Variants in TTC6 observed in about 807,000 individuals in gnomAD.
TTC6 encodes tetratricopeptide repeat protein 6.
TTC6 carries 172 observed loss-of-function variants against 210.4 expected under a neutral mutation model. The observed-to-expected ratio is 0.82, with a 90% CI of 0.72 to 0.93. The LOEUF is 0.93. Among genes scored for constraint, TTC6 ranks in the 40% least tolerant of loss-of-function variants. The pLI is 0.00. For synonymous variants in TTC6, 804 were observed against 819.6 expected (o/e 0.98, Z 0.32); for missense variants, 2,414 against 2,318.1 (o/e 1.04, Z -0.85).
At chr14:37,833,889 T>G (rs1181815379) in intron 29 of TTC6, among the ~76,000 whole-genome samples, 2 of 152,200 alleles carry the variant, frequency 1.3e-5, no homozygotes, top group Non-Finnish European at 2.9e-5. Flanking sequence ...GGTGATGTAT[T>G]TCCTCAGTCT....
chr14:37,642,747 A>G (rs548658589), intron 1 of TTC6, among the ~76,000 whole-genome samples: 1 of 152,300 alleles, frequency 6.6e-6, no homozygotes, highest in South Asian at 2.1e-4. Flanking sequence ...AACCTAGGCT[A>G]GATGGTATAG....
At chr14:37,654,251 G>C (rs1320525499) in intron 1 of TTC6, among the ~76,000 whole-genome samples, 1 of 152,062 alleles carries the variant, frequency 6.6e-6, no homozygotes, top group Non-Finnish European at 1.5e-5. Flanking sequence ...GTGAGATCTG[G>C]TCATTTAAAA....
At chr14:37,713,020 AG>A (rs1454003565) in intron 5 of TTC6, among the ~76,000 whole-genome samples, 1 of 152,162 alleles carries the variant, frequency 6.6e-6, no homozygotes, top group Non-Finnish European at 1.5e-5. Flanking sequence ...TTCCTGACAC[AG>A]GAAGGCGGCA....
At chr14:37,640,844 A>G (rs1047120644) in intron 1 of TTC6, among the ~76,000 whole-genome samples, 1 of 152,176 alleles carries the variant, frequency 6.6e-6, no homozygotes, top group Non-Finnish European at 1.5e-5. Flanking sequence ...CACCTAGCCA[A>G]TGTAGACATT....
intron 14 of TTC6, among the ~76,000 whole-genome samples, chr14:37,766,501 A>G (rs1318949448): frequency 1.3e-5 from 2 of 152,120 alleles, no homozygotes; most frequent in East Asian, 1.9e-4. Context: ...TTAGGATAAT[A>G]TCCTCCAGTT....
intron 14 of TTC6, among the ~76,000 whole-genome samples, chr14:37,762,904 G>A (rs1243052450): frequency 2.3e-5 from 3 of 133,104 alleles, no homozygotes; most frequent in Admixed American, 8.3e-5. Context: ...TTTTTGAGAC[G>A]GAGTCTGGCT....
At chr14:37,671,643 G>A (rs1333750664) in intron 1 of TTC6, among the ~76,000 whole-genome samples, 2 of 152,116 alleles carry the variant, frequency 1.3e-5, no homozygotes, top group Non-Finnish European at 1.5e-5. Flanking sequence ...TTTTTGAGAT[G>A]TAGTGTCATT....
intron 6 of TTC6, among the ~76,000 whole-genome samples, chr14:37,723,711 T>C (rs79950772): frequency 0.057 from 8,661 of 152,268 alleles, 380 homozygotes; most frequent in Non-Finnish European, 0.089. Flanking sequence ...CCTTTGGTTT[T>C]ATGTACACAT....
At chr14:37,736,004 T>G (rs565854026) in exon 8 of TTC6, 58 of 1,515,216 alleles carry the variant, frequency 3.8e-5, no homozygotes, top group Admixed American at 3.2e-4. Flanking sequence ...GCAGAACAAA[T>G]TTTTGGGTAT....
intron 14 of TTC6, among the ~76,000 whole-genome samples, chr14:37,768,753 A>T (rs1015797927): frequency 3.3e-5 from 5 of 152,282 alleles, no homozygotes; most frequent in Admixed American, 3.3e-4. Context: ...GCAAAGAAGG[A>T]CAATTTGACT....
At chr14:37,688,689 G>T (rs1408654822) in intron 3 of TTC6, among the ~76,000 whole-genome samples, 3 of 152,296 alleles carry the variant, frequency 2.0e-5, no homozygotes, top group East Asian at 1.9e-4. Context: ...AATTCTTCCA[G>T]ATCTTGTTCA....
chr14:37,807,485 A>G, intron 23 of TTC6, 25 bp downstream of exon 25: 1 of 1,442,900 alleles, frequency 6.9e-7, no homozygotes, highest in Non-Finnish European at 9.2e-7. Context: ...TGCCTGGTTT[A>G]CCGAAATTTT....
At chr14:37,641,752 C>T (rs1390907947) in intron 1 of TTC6, among the ~76,000 whole-genome samples, 4 of 152,004 alleles carry the variant, frequency 2.6e-5, no homozygotes, top group Admixed American at 1.3e-4. Context: ...TGGAAAAAAA[C>T]TTTCATAGTC....
intron 27 of TTC6, 56 bp downstream of exon 29, chr14:37,824,013 TTG>T: frequency 6.5e-7 from 1 of 1,528,282 alleles, no homozygotes; most frequent in Admixed American, 1.7e-5. Context: ...AAGAATATAT[TTG>T]GCTCTTTCCT....
chr14:37,661,226 A>G (rs371428695), intron 1 of TTC6, among the ~76,000 whole-genome samples: 2 of 152,070 alleles, frequency 1.3e-5, no homozygotes, highest in East Asian at 1.9e-4. Flanking sequence ...TTTTGTTGCA[A>G]TTGCTTTTCA....
intron 3 of TTC6, 94 bp downstream of exon 5, chr14:37,683,058 G>T: frequency 9.1e-7 from 1 of 1,094,732 alleles, no homozygotes; most frequent in South Asian, 1.4e-5. Context: ...CCAACGTATG[G>T]GGCTGGGGGC....
intron 3 of TTC6, among the ~76,000 whole-genome samples, chr14:37,687,301 A>G (rs2095795850): frequency 1.3e-5 from 2 of 152,114 alleles, no homozygotes; most frequent in South Asian, 4.1e-4. Context: ...CTAGCCAGAG[A>G]GGAATAGCTG....
intron 14 of TTC6, among the ~76,000 whole-genome samples, chr14:37,753,482 A>G (rs1026247283): frequency 6.6e-6 from 1 of 152,232 alleles, no homozygotes; most frequent in African/African-American, 2.4e-5. Context: ...CAATTTCTAA[A>G]GCATTGCCTA....
At chr14:37,724,293 C>T (rs776870098) in intron 6 of TTC6, among the ~76,000 whole-genome samples, 3 of 151,896 alleles carry the variant, frequency 2.0e-5, no homozygotes, top group Non-Finnish European at 2.9e-5. Flanking sequence ...TAGATGTATT[C>T]GTGAGCCTAA....
Sources: allele counts gnomAD v4.1 joint callset (sites outside exome capture counted in the v4.1 genomes callset), GRCh38; gene constraint gnomAD v4.1.1; transcripts MANE v1.5; gene names NCBI Gene and HGNC (gene_info 2026-07-23, HGNC 2026-07-21).